Variants in CD8B observed in about 807,000 individuals in gnomAD.
The protein encoded by CD8B is T-cell surface glycoprotein CD8 beta chain.
CD8B carries 6 observed loss-of-function variants against 24.2 expected under a neutral mutation model. The observed-to-expected ratio is 0.25, with a 90% CI of 0.14 to 0.49. The LOEUF (loss-of-function observed/expected upper bound fraction) is 0.49, where lower values mean the gene tolerates loss of function less well. Among genes scored for constraint, CD8B ranks in the 20% least tolerant of loss-of-function variants. CD8B has a pLI of 0.98. For missense variants in CD8B, 196 were observed against 271.3 expected (o/e 0.72, Z 1.95); for synonymous variants, 84 against 108.3 (o/e 0.78, Z 1.39).
At chr2:86,827,431 C>T (rs893670266) in intron 5 of CD8B, among the ~76,000 whole-genome samples, 1 of 151,902 alleles carries the variant, frequency 6.6e-6, no homozygotes, top group African/African-American at 2.4e-5. Flanking sequence ...TGAGACCAGC[C>T]TGGCCAACAT....
At chr2:86,855,178 G>A (rs1676174647) in intron 2 of CD8B, among the ~76,000 whole-genome samples, 1 of 152,096 alleles carries the variant, frequency 6.6e-6, no homozygotes. Flanking sequence ...CCACAGATCA[G>A]TCATTTTTGG....
chr2:86,817,202 G>A (rs1323407245), intron 5 of CD8B, among the ~76,000 whole-genome samples: 5 of 152,050 alleles, frequency 3.3e-5, no homozygotes, highest in African/African-American at 1.2e-4. Flanking sequence ...AGTGTTGATG[G>A]GGATGTAAAT....
At chr2:86,857,108 A>T (rs1676305561) in intron 2 of CD8B, among the ~76,000 whole-genome samples, 1 of 151,944 alleles carries the variant, frequency 6.6e-6, no homozygotes, top group Non-Finnish European at 1.5e-5. Context: ...CCCCCGTGTG[A>T]CACAGAAGAG....
intron 5 of CD8B, chr2:86,844,657 T>C (rs1481406796): frequency 6.7e-7 from 1 of 1,491,392 alleles, no homozygotes; most frequent in Non-Finnish European, 9.0e-7. Context: ...GTAATTTTTT[T>C]TTTTAGATGG....
intron 5 of CD8B, among the ~76,000 whole-genome samples, chr2:86,816,107 T>C (rs754773431): frequency 2.0e-5 from 3 of 152,198 alleles, no homozygotes; most frequent in Admixed American, 6.5e-5. Flanking sequence ...TGAATTTCAA[T>C]AGTGTCTGAC....
intron 1 of CD8B, among the ~76,000 whole-genome samples, 192 bp from the exon 2 acceptor site, chr2:86,858,608 C>T (rs1441547758): frequency 2.9e-5 from 4 of 138,420 alleles, no homozygotes; most frequent in African/African-American, 5.6e-5. Flanking sequence ...CCCAGGAGAT[C>T]ATCTGGAAGG....
intron 5 of CD8B, among the ~76,000 whole-genome samples, chr2:86,842,618 G>T (rs1172875772): frequency 6.6e-6 from 1 of 152,298 alleles, no homozygotes; most frequent in East Asian, 1.9e-4. Context: ...GGGGCCAGAA[G>T]AAATTAGCCT....
chr2:86,848,786 G>A (rs1481381030), intron 3 of CD8B, among the ~76,000 whole-genome samples: 1 of 148,580 alleles, frequency 6.7e-6, no homozygotes, highest in Non-Finnish European at 1.5e-5. Flanking sequence ...GCAAGATCTG[G>A]ACTCACCGCA....
At chr2:86,831,326 C>T (rs1372829536) in intron 5 of CD8B, among the ~76,000 whole-genome samples, 12 of 152,138 alleles carry the variant, frequency 7.9e-5, no homozygotes, top group South Asian at 2.1e-4. Flanking sequence ...CTCGACCTCC[C>T]GAAATGCTAG....
At chr2:86,817,329 G>T (rs1387512410) in intron 5 of CD8B, among the ~76,000 whole-genome samples, 2 of 152,110 alleles carry the variant, frequency 1.3e-5, no homozygotes, top group Non-Finnish European at 2.9e-5. Context: ...AAGTTTTGAT[G>T]TATAAGAGTG....
chr2:86,840,808 T>C lies in CD8B; in HGVS notation c.*1499A>G, dbSNP rs1573508865. On this transcript the variant is annotated 3_prime_UTR_variant, in exon 6 of 6. Coordinates refer to ENST00000390655, the MANE Select transcript of CD8B (RefSeq NM_004931.5). Reference sequence around the variant, plus strand: ...AACACTGCATCTATGCCTTTCTAACTCCACCCACCACACCTCATTCTGCTG... The same window carrying C: ...AACACTGCATCTATGCCTTTCTAACCCCACCCACCACACCTCATTCTGCTG... 6.6e-6 allele frequency among the ~76,000 whole-genome samples: 1 copy of C among 152,116 alleles called. No individual in the cohort carries two copies.
chr2:86,853,682 GATTT>G (rs1209356641), intron 2 of CD8B, among the ~76,000 whole-genome samples: 2 of 151,974 alleles, frequency 1.3e-5, no homozygotes, highest in African/African-American at 4.8e-5. Context: ...CTACACCTCT[GATTT>G]ATTTATTTTT....
chr2:86,841,820 C>T lies in CD8B; in HGVS notation c.*487G>A. On this transcript the variant is annotated 3_prime_UTR_variant, in exon 6 of 6. Transcript: ENST00000390655. ...CTGGGAACTGGACAGCCCCTCTCAGCAAGCCTCATTCCCAACCTGCACCTG... is the reference window on the plus strand; with the variant it reads ...CTGGGAACTGGACAGCCCCTCTCAGTAAGCCTCATTCCCAACCTGCACCTG... 1 of 985,912 alleles carries T rather than the reference C, an allele frequency of 1.0e-6. No homozygotes were observed. The highest frequency in any genetic ancestry group is 1.2e-6 in the Non-Finnish European group (1 of 830,312). 61.1% of individuals were successfully genotyped at this position (985,912 alleles called of 1,614,324 possible).
chr2:86,840,235 T>TG lies in CD8B; in HGVS notation c.*2071dup, dbSNP rs1405838183. On this transcript the variant is annotated 3_prime_UTR_variant, in exon 6 of 6. Coordinates refer to ENST00000390655, the MANE Select transcript of CD8B (RefSeq NM_004931.5). ...TGAATGAAGGAGAAACACCTACGTC[T>TG]GGGGGCAGGGAATCTGAGGCCAATT... is the stretch of plus-strand genomic sequence containing the variant. Among the ~76,000 whole-genome samples, 1 of 139,908 alleles carries TG rather than the reference T, an allele frequency of 7.1e-6. No individual in the cohort carries two copies. Among genetic ancestry groups the TG allele is most frequent in the African/African-American group, 2.7e-5 (1 of 36,842 alleles). The allele number at this position is 139,908 out of a possible 152,430, so 91.8% of individuals were successfully genotyped here.
downstream of CD8B, among the ~76,000 whole-genome samples, chr2:86,835,905 G>A (rs1305600150): frequency 3.9e-5 from 6 of 151,996 alleles, no homozygotes; most frequent in South Asian, 2.1e-4. Context: ...TTGGAGCCAC[G>A]CAAGTGCCAG....
chr2:86,847,630 A>C (rs1221972358), intron 3 of CD8B, among the ~76,000 whole-genome samples: 3 of 152,150 alleles, frequency 2.0e-5, no homozygotes, highest in African/African-American at 4.8e-5. Flanking sequence ...CAGTGGCGCA[A>C]TCTTGGCTCA....
intron 4 of CD8B, among the ~76,000 whole-genome samples, chr2:86,846,117 C>G (rs1197770379): frequency 6.6e-6 from 1 of 152,216 alleles, no homozygotes; most frequent in Admixed American, 6.5e-5. Context: ...GAACCCAGTG[C>G]TGTGCAGAGC....
intron 5 of CD8B, among the ~76,000 whole-genome samples, chr2:86,822,115 C>T (rs1674502877): frequency 6.6e-6 from 1 of 152,130 alleles, no homozygotes; most frequent in Non-Finnish European, 1.5e-5. Context: ...TGAGTTCCTG[C>T]CATATTTATA....
chr2:86,816,005 C>T lies in CD8B; in HGVS notation c.621-287G>A, dbSNP rs77207022. On this transcript the variant is annotated intron_variant, in intron 5 of 5. Transcript: ENST00000331469. ...CAGAGAATTACCTGCTCAGTTATTC[C>T]CCAAAGTTAATATCATTTGGGAAAG... is the stretch of plus-strand genomic sequence containing the variant. Among the ~76,000 whole-genome samples, 876 of 152,272 alleles carry T rather than the reference C, an allele frequency of 5.8e-3. 10 individuals are homozygous for T. The highest frequency in any genetic ancestry group is 0.02 in the African/African-American group (826 of 41,550).
Sources: gnomAD v4.1 joint callset for allele counts (sites outside exome capture counted in the v4.1 genomes callset) on GRCh38, gnomAD v4.1.1 for gene constraint, MANE v1.5 for transcripts, NCBI Gene and HGNC (gene_info 2026-07-23, HGNC 2026-07-21) for gene names.